EED: variants seen among roughly 807,000 people sequenced by gnomAD.
The protein encoded by EED is polycomb protein EED.
EED carries 9 observed loss-of-function variants against 61.0 expected under a neutral mutation model. The observed-to-expected ratio is 0.15, with a 90% confidence interval of 0.09 to 0.26. The LOEUF (loss-of-function observed/expected upper bound fraction) is 0.26. EED is among the 10% of genes least tolerant of loss of function. EED has a pLI of 1.00. For synonymous variants in EED, 187 were observed against 174.4 expected (o/e 1.07, Z -0.57); for missense variants, 315 against 542.3 (o/e 0.58, Z 4.16).
intron 9 of EED, among the ~76,000 whole-genome samples, chr11:86,275,938 C>T (rs907179104): frequency 6.6e-6 from 1 of 152,172 alleles, no homozygotes; most frequent in Non-Finnish European, 1.5e-5. Flanking sequence ...AGTGGCCATA[C>T]TATTAAATTA....
Position 86,257,323 on chromosome 11 carries a change from C to T in EED, c.553-192C>T, listed in dbSNP as rs77808329. 0.03 allele frequency among the ~76,000 whole-genome samples: 4,511 copies of T among 150,522 alleles called. 222 individuals are homozygous for T. The highest frequency in any genetic ancestry group is 0.1 in the African/African-American group (4,181 of 40,748). ...GTGCTTGGATTAAAAACATGAGCCA[C>T]CCACTGTGCCTGGGGTCTTTTTTTT... is the stretch of plus-strand genomic sequence containing the variant. On this transcript the variant is annotated intron_variant, in intron 5 of 11. Coordinates refer to ENST00000263360, the MANE Select transcript of EED (RefSeq NM_003797.5).
At chr11:86,253,643 T>G (rs12225782) in intron 3 of EED, among the ~76,000 whole-genome samples, 81 of 151,934 alleles carry the variant, frequency 5.3e-4, no homozygotes, top group Non-Finnish European at 1.0e-3. Flanking sequence ...AACATTAACA[T>G]AGAGGAGATA....
Position 86,261,276 on chromosome 11 carries a change from C to G in EED, c.635-2896C>G, listed in dbSNP as rs369298541. Among the ~76,000 whole-genome samples the G allele has an allele frequency of 2.6e-5, 4 of 152,302 alleles. 1 individual carries two copies. The highest frequency in any genetic ancestry group is 9.6e-5 in the African/African-American group (4 of 41,574). ...AGGCAAGAATAAGGGTAACTGGTCC[C>G]AAGTAAATCCAAAACTCAACAGAAC... On this transcript the variant is annotated intron_variant, in intron 6 of 11. Transcript: ENST00000263360.
chr11:86,270,235 C>A, intron 9 of EED: 1 of 582,812 alleles, frequency 1.7e-6, no homozygotes, highest in Non-Finnish European at 3.1e-6. Context: ...TTTGCATTTC[C>A]CTGATGGCTA....
At chr11:86,250,604 G>C (rs10898454) in intron 2 of EED, among the ~76,000 whole-genome samples, 156 bp downstream of exon 2, 2 of 151,322 alleles carry the variant, frequency 1.3e-5, no homozygotes, top group Non-Finnish European at 3.0e-5. Context: ...TTCAGACTGC[G>C]TATCTATTTT....
At chr11:86,246,525 C>A (rs777237307) in intron 1 of EED, among the ~76,000 whole-genome samples, 2 of 152,100 alleles carry the variant, frequency 1.3e-5, no homozygotes, top group African/African-American at 4.8e-5. Flanking sequence ...GGAAAGGATT[C>A]TTTTTGCAGA....
chr11:86,278,204 A>G, intron 11 of EED, 195 bp from the exon 12 acceptor site: 3 of 1,334,834 alleles, frequency 2.2e-6, no homozygotes, highest in Admixed American at 7.1e-5. Context: ...TATACAAATT[A>G]TGTAGTGCTT....
intron 5 of EED, 57 bp downstream of exon 5, chr11:86,256,569 A>G: frequency 7.0e-7 from 1 of 1,437,344 alleles, no homozygotes; most frequent in Non-Finnish European, 9.3e-7. Flanking sequence ...AACTGTAAAA[A>G]CTTGTAATGT....
intron 3 of EED, among the ~76,000 whole-genome samples, chr11:86,253,850 C>A (rs1278202596): frequency 2.0e-5 from 3 of 151,604 alleles, no homozygotes; most frequent in Non-Finnish European, 4.4e-5. Context: ...GAGTTCGAGA[C>A]CAGCCTGACC....
downstream of EED, among the ~76,000 whole-genome samples, chr11:86,280,492 G>A (rs113365064): frequency 6.6e-3 from 1,001 of 152,158 alleles, 13 homozygotes; most frequent in African/African-American, 0.022. Context: ...TATCTCATTA[G>A]CCTACAAAAA....
chr11:86,277,232 T>TACAAATCTACCCTGATGTTTTGTATTG (rs1946254564), intron 10 of EED, 94 bp downstream of exon 10: 3 of 1,175,868 alleles, frequency 2.6e-6, no homozygotes, highest in South Asian at 2.0e-5. Flanking sequence ...CTTTTTCCTT[T>TACAAATCTACCCTGATGTTTTGTATTG]ACAAATCTAC....
chr11:86,259,434 A>G (rs562573380), intron 6 of EED, among the ~76,000 whole-genome samples: 1 of 152,110 alleles, frequency 6.6e-6, no homozygotes, highest in Non-Finnish European at 1.5e-5. Flanking sequence ...GCCTCAACCT[A>G]CCAAGTAGTT....
At chr11:86,278,317 T>C in intron 11 of EED, 82 bp from the exon 12 acceptor site, 1 of 1,525,832 alleles carries the variant, frequency 6.6e-7, no homozygotes, top group Non-Finnish European at 8.8e-7. Flanking sequence ...GAACATCTGC[T>C]TATTTTCTAA....
chr11:86,282,277 G>A (rs752440032), downstream of EED, among the ~76,000 whole-genome samples: 47 of 152,146 alleles, frequency 3.1e-4, 2 homozygotes, highest in South Asian at 5.6e-3. Flanking sequence ...TTTAATTTTT[G>A]TACACAGAAA....
intron 2 of EED, among the ~76,000 whole-genome samples, chr11:86,251,288 A>G (rs757087314): frequency 3.0e-4 from 45 of 152,180 alleles, no homozygotes; most frequent in Non-Finnish European, 4.3e-4. Flanking sequence ...TAATCTCAGC[A>G]TATTTTTTAA....
At chr11:86,252,470 C>G (rs1372467553) in intron 3 of EED, among the ~76,000 whole-genome samples, 1 of 145,252 alleles carries the variant, frequency 6.9e-6, no homozygotes, top group Admixed American at 6.9e-5. Flanking sequence ...AGGTTTTATA[C>G]TTGTATTTGT....
intron 6 of EED, among the ~76,000 whole-genome samples, chr11:86,263,004 C>T (rs1945873789): frequency 6.6e-6 from 1 of 152,036 alleles, no homozygotes; most frequent in African/African-American, 2.4e-5. Flanking sequence ...GATTGGGTCT[C>T]ACTATGTTAC....
At chr11:86,280,035 A>G (rs1271852070), downstream of EED, among the ~76,000 whole-genome samples, 1 of 152,196 alleles carries the variant, frequency 6.6e-6, no homozygotes, top group Admixed American at 6.5e-5. Context: ...TGAGAATATC[A>G]TCTTTCCTTT....
At chr11:86,257,467 T>C (rs1359740074) in intron 5 of EED, 48 bp from the exon 6 acceptor site, 3 of 1,469,408 alleles carry the variant, frequency 2.0e-6, no homozygotes, top group Non-Finnish European at 2.8e-6. Flanking sequence ...GAAAAAAAAT[T>C]TACTGATTTT....
Sources: gnomAD v4.1 joint callset for allele counts (sites outside exome capture counted in the v4.1 genomes callset) on GRCh38, gnomAD v4.1.1 for gene constraint, MANE v1.5 for transcripts, NCBI Gene and HGNC (gene_info 2026-07-23, HGNC 2026-07-21) for gene names.